LAMC1: variants seen among roughly 807,000 people sequenced by gnomAD.
LAMC1 encodes laminin subunit gamma-1.
LAMC1 carries 38 observed loss-of-function variants against 173.6 expected under a neutral mutation model. The ratio of observed to expected loss-of-function variants is 0.22; its 90% CI spans 0.17 to 0.29. The LOEUF is 0.29. LAMC1 is among the 10% of genes least tolerant of loss of function. The pLI is 1.00. For synonymous variants in LAMC1, 746 were observed against 749.1 expected, an observed-to-expected ratio of 1.00 and a Z score of 0.07; for missense variants, 1,824 against 2,051.8, an observed-to-expected ratio of 0.89 and a Z score of 2.14.
intron 1 of LAMC1, among the ~76,000 whole-genome samples, chr1:183,042,304 G>C (rs1432866215): frequency 6.6e-6 from 1 of 152,140 alleles, no homozygotes; most frequent in Admixed American, 6.5e-5. Context: ...ATATTGAGGA[G>C]TGTGTGCCTA....
chr1:183,125,096 T>C, intron 14 of LAMC1: 1 of 601,290 alleles, frequency 1.7e-6, no homozygotes, highest in South Asian at 2.2e-5. Flanking sequence ...ACAGGTGAAA[T>C]GAATACTAAT....
intron 13 of LAMC1, among the ~76,000 whole-genome samples, chr1:183,124,245 A>C (rs1656558751): frequency 2.0e-5 from 3 of 152,222 alleles, no homozygotes. Flanking sequence ...TTACAGTGTC[A>C]AGAGTGGCAC....
In LAMC1 at chr1:183,108,368, C is replaced by G. The variant is rs1213646116; in HGVS notation, c.816C>G (p.Ser272=). ...EVFNDPKVLK[S]YYYAISDFAV... is the part of the protein sequence containing the mutation. ...TTAACGATCCCAAAGTTCTCAAGTC[C>G]TATTATTATGCCATCTCTGATTTTG... is the stretch of plus-strand genomic sequence containing the variant. The change falls in exon 3 of 28, where the codon TCC becomes TCG. Residue 272 remains serine (S), a synonymous_variant. Transcript: ENST00000258341. The G allele has an allele frequency of 1.2e-6, 2 of 1,613,406 alleles. No individual in the cohort carries two copies. Among genetic ancestry groups the G allele is most frequent in the Admixed American group, 1.7e-5 (1 of 59,996 alleles).
intron 1 of LAMC1, among the ~76,000 whole-genome samples, chr1:183,098,112 A>G (rs1655740854): frequency 6.6e-6 from 1 of 152,182 alleles, no homozygotes; most frequent in South Asian, 2.1e-4. Flanking sequence ...ATAATCTAGT[A>G]GTGTCATCAG....
At chr1:183,136,304 A>G in intron 24 of LAMC1, 82 bp from the exon 25 acceptor site, 1 of 1,248,448 alleles carries the variant, frequency 8.0e-7, no homozygotes, top group Non-Finnish European at 1.2e-6. Flanking sequence ...TTCATAAAAC[A>G]AAATCCAGTT....
In LAMC1 at chr1:183,117,452, G is replaced by A. The variant is rs1331949153; in HGVS notation, c.1687+10G>A. 1 of 1,612,218 alleles carries A rather than the reference G, an allele frequency of 6.2e-7. No homozygotes were observed. The highest frequency in any genetic ancestry group is 8.5e-7 in the Non-Finnish European group (1 of 1,178,438). On this transcript the variant is annotated intron_variant, in intron 9 of 27. Coordinates refer to ENST00000258341, the MANE Select transcript of LAMC1 (RefSeq NM_002293.4). ...TACTTCATTGCTCCTGGTAAGTAAGGCTAGAAAGCAGTCTGACCTGCTGTG... is the reference window on the plus strand; with the variant it reads ...TACTTCATTGCTCCTGGTAAGTAAGACTAGAAAGCAGTCTGACCTGCTGTG...
At position 183,143,657 on chromosome 1, in the gene LAMC1, T is replaced by TA. The variant is rs1657178620; in HGVS notation, c.*868dup. On this transcript the variant is annotated 3_prime_UTR_variant, in exon 28 of 28. Transcript: ENST00000258341. ...TTGTTTTCAAAATCAAACTAATTCT[T>TA]ACAGCTTTTTTATTAGTTAGTCTTG... is the stretch of plus-strand genomic sequence containing the variant. The TA allele has an allele frequency of 6.6e-6, 1 of 152,308 alleles. No homozygotes were observed. The highest frequency in any genetic ancestry group is 1.5e-5 in the Non-Finnish European group (1 of 68,032). The allele number at this position is 152,308 out of a possible 1,614,324, so 9.4% of individuals were successfully genotyped here.
At chr1:183,067,480 TG>T (rs1654904376) in intron 1 of LAMC1, among the ~76,000 whole-genome samples, 1 of 151,434 alleles carries the variant, frequency 6.6e-6, no homozygotes, top group African/African-American at 2.4e-5. Flanking sequence ...ATATTTTTGT[TG>T]TTGTTGTTGT....
intron 1 of LAMC1, among the ~76,000 whole-genome samples, chr1:183,026,553 C>T (rs1233543471): frequency 6.6e-6 from 1 of 152,188 alleles, no homozygotes; most frequent in Admixed American, 6.5e-5. Context: ...TGGGCTGTAG[C>T]TAACTAATTA....
rs949791502 is a variant in LAMC1 at position 183,118,102 on chromosome 1, A to G, written c.1946A>G (p.Asn649Ser). 6.2e-7 allele frequency: 1 copy of G among 1,613,084 alleles called. No homozygotes were observed. The highest frequency in any genetic ancestry group is 2.2e-5 in the East Asian group (1 of 44,850). ...LTPFEFQKLL[N>S]NLTSIKIRGT... ...CCTTTTGAATTTCAGAAGCTCCTAA[A>G]CAACTTGACCTCTATCAAGATACGT... Residue 649 changes from asparagine (N) to serine (S), a missense_variant, in exon 11 of 28, where the codon AAC becomes AGC. Physicochemically the swap from Asn to Ser is conservative, Grantham distance 46. Transcript: ENST00000258341.
At chr1:183,087,846 T>G (rs1655470569) in intron 1 of LAMC1, among the ~76,000 whole-genome samples, 1 of 151,612 alleles carries the variant, frequency 6.6e-6, no homozygotes. Flanking sequence ...GGAGTTTTGC[T>G]CTTGTTGCCC....
chr1:183,117,857 G>T lies in LAMC1; in HGVS notation c.1877+134G>T, dbSNP rs921555748. 23 of 851,316 alleles carry T rather than the reference G, an allele frequency of 2.7e-5. No individual in the cohort carries two copies. The African/African-American group carries it at 3.6e-4, about 13-fold the overall frequency. 52.7% of individuals were successfully genotyped at this position (851,316 alleles called of 1,614,324 possible). A position where few individuals can be genotyped will look rare whatever the true frequency, so the allele number is the denominator to read the frequency against. The stretch of plus-strand genomic sequence containing the variant: ...TATTGTGGTGATTTTGTAAAAGGGA[G>T]CCTTCCTTTCTTTACCTTTATCTTT... On this transcript the variant is annotated intron_variant, in intron 10 of 27. Transcript: ENST00000258341.
rs185693246 is a variant in LAMC1, at chr1:183,023,666, G to T, written c.-51G>T. 8.7e-6 allele frequency: 10 copies of T among 1,147,488 alleles called. No homozygotes were observed. The highest frequency in any genetic ancestry group is 9.5e-5 in the Admixed American group (2 of 21,162). 71.1% of individuals were successfully genotyped at this position (1,147,488 alleles called of 1,614,324 possible). Reference sequence around the variant, plus strand: ...TCCGGGGGACGCCGCTAGGCGAGAGGAACGCGCCGGTGCCCTTGCCTTCGC... The same window carrying T: ...TCCGGGGGACGCCGCTAGGCGAGAGTAACGCGCCGGTGCCCTTGCCTTCGC... On this transcript the variant is annotated 5_prime_UTR_variant, in exon 1 of 28. Coordinates refer to ENST00000258341, the MANE Select transcript of LAMC1 (RefSeq NM_002293.4).
rs1174815770 is a variant in LAMC1 at position 183,028,796 on chromosome 1, C to T, written c.418+4662C>T. On this transcript the variant is annotated intron_variant, in intron 1 of 27. Coordinates refer to ENST00000258341, the MANE Select transcript of LAMC1 (RefSeq NM_002293.4). ...CTCTCTTTTCATGCTGTTCACGCTT[C>T]GTGGATGAACTCGTGTTTGTCTCAA... Among the ~76,000 whole-genome samples, 6 of 152,198 alleles carry T rather than the reference C, an allele frequency of 3.9e-5. No individual in the cohort carries two copies. The South Asian group carries it at 6.2e-4, about 16-fold the overall frequency.
intron 1 of LAMC1, among the ~76,000 whole-genome samples, chr1:183,101,030 G>A (rs537523876): frequency 6.6e-6 from 1 of 152,272 alleles, no homozygotes; most frequent in Non-Finnish European, 1.5e-5. Flanking sequence ...CTTTCAGAGG[G>A]TGGCTTTGTA....
intron 1 of LAMC1, among the ~76,000 whole-genome samples, chr1:183,049,455 GTTTTTTTGTTTTT>G (rs1371488931): frequency 1.5e-4 from 17 of 113,212 alleles, no homozygotes; most frequent in Middle Eastern, 4.6e-3. Flanking sequence ...TGAATTTAAG[GTTTTTTTGTTTTT>G]TTTTTTTGTT....
chr1:183,113,559 GTCTTGAAA>G (rs1656226938), intron 4 of LAMC1, among the ~76,000 whole-genome samples: 1 of 152,060 alleles, frequency 6.6e-6, no homozygotes, highest in African/African-American at 2.4e-5. Context: ...CAGATACTTG[GTCTTGAAA>G]TATGGTTGTG....
chr1:183,050,729 T>G (rs1296498285), intron 1 of LAMC1, among the ~76,000 whole-genome samples: 4 of 150,278 alleles, frequency 2.7e-5, no homozygotes, highest in Admixed American at 2.6e-4. Context: ...CCGTCTCTAC[T>G]AAAAATACAA....
chr1:183,029,057 C>T (rs1467578059), intron 1 of LAMC1, among the ~76,000 whole-genome samples: 4 of 152,186 alleles, frequency 2.6e-5, no homozygotes, highest in South Asian at 2.1e-4. Context: ...ATGTTGCCCA[C>T]GTCTCTCCTG....
Sources: gnomAD v4.1 joint callset for allele counts (sites outside exome capture counted in the v4.1 genomes callset) on GRCh38, gnomAD v4.1.1 for gene constraint, MANE v1.5 for transcripts, NCBI Gene and HGNC (gene_info 2026-07-23, HGNC 2026-07-21) for gene names.